The following GABBR2 variants were observed in gnomAD, a reference collection of about 807,000 sequenced individuals.
GABBR2 encodes the protein gamma-aminobutyric acid type B receptor subunit 2, also known as G-protein coupled receptor 51.
A neutral mutation model predicts 105.6 loss-of-function variants in GABBR2; 23 were observed. The observed-to-expected ratio is 0.22, with a 90% CI of 0.16 to 0.31. The LOEUF (loss-of-function observed/expected upper bound fraction) is 0.31. Among genes scored for constraint, GABBR2 ranks in the 10% least tolerant of loss-of-function variants. The probability of loss-of-function intolerance (pLI) is 1.00; values close to 1 mark genes in which losing one functional copy is unlikely to be tolerated. For missense variants in GABBR2, 734 were observed against 1,245.5 expected (o/e 0.59, Z 6.18); for synonymous variants, 478 against 499.7 (o/e 0.96, Z 0.58).
At chr9:98,624,726 G>T (rs1829711654) in intron 1 of GABBR2, among the ~76,000 whole-genome samples, 1 of 152,196 alleles carries the variant, frequency 6.6e-6, no homozygotes, top group African/African-American at 2.4e-5. Context: ...TGCACAGGAT[G>T]CGGAGGAAGC....
chr9:98,589,163 A>G (rs1829114471), intron 1 of GABBR2, among the ~76,000 whole-genome samples: 1 of 152,212 alleles, frequency 6.6e-6, no homozygotes. Flanking sequence ...CCACTGGTCC[A>G]GCTGGAACTT....
rs1441790634 is a variant in GABBR2, at chr9:98,595,403, A to G, written c.322-17331T>C. Among the ~76,000 whole-genome samples, 3 of 151,584 alleles carry G rather than the reference A, an allele frequency of 2.0e-5. No individual in the cohort carries two copies. The East Asian group carries it at 6.0e-4, about 30-fold the overall frequency. ...GGAAAGGAAACTTTTAGACTGCAGCAGATGGGAGAGCATATGATGAAAGGG... is the reference window on the plus strand; with the variant it reads ...GGAAAGGAAACTTTTAGACTGCAGCGGATGGGAGAGCATATGATGAAAGGG... On this transcript the variant is annotated intron_variant, in intron 1 of 18. Transcript: ENST00000259455.
intron 1 of GABBR2, among the ~76,000 whole-genome samples, chr9:98,679,324 T>A (rs1830511670): frequency 6.6e-6 from 1 of 152,340 alleles, no homozygotes; most frequent in South Asian, 2.1e-4. Context: ...CCAATGAGAA[T>A]GCTCTATAAG....
chr9:98,361,436 GT>G (rs1831581141), intron 13 of GABBR2, among the ~76,000 whole-genome samples: 1 of 152,188 alleles, frequency 6.6e-6, no homozygotes, highest in Non-Finnish European at 1.5e-5. Context: ...CAGGGGCCCA[GT>G]TAGCCAATGA....
In GABBR2 at chr9:98,618,776, T is replaced by C. The variant is rs191647048; in HGVS notation, c.322-40704A>G. On this transcript the variant is annotated intron_variant, in intron 1 of 18. Transcript: ENST00000259455. ...TGCTAAGTGCTCCTCACTCCCTCCT[T>C]GATGTAATCATGACAGAAAGACTCC... Among the ~76,000 whole-genome samples the C allele has an allele frequency of 6.6e-4, 100 of 152,140 alleles. 1 individual carries two copies. The highest frequency in any genetic ancestry group is 2.2e-3 in the African/African-American group (90 of 41,504).
chr9:98,555,431 A>G (rs981671652), intron 2 of GABBR2, among the ~76,000 whole-genome samples: 10 of 152,252 alleles, frequency 6.6e-5, no homozygotes, highest in African/African-American at 2.4e-4. Flanking sequence ...CTAATTGTGT[A>G]CAATTAGAAT....
chr9:98,595,856 G>C (rs555412459), intron 1 of GABBR2, among the ~76,000 whole-genome samples: 26 of 152,224 alleles, frequency 1.7e-4, no homozygotes, highest in African/African-American at 6.0e-4. Context: ...GAGCCAATCT[G>C]GGTCTCCTCC....
At chr9:98,508,139 T>C (rs1302566438) in intron 3 of GABBR2, among the ~76,000 whole-genome samples, 1 of 152,200 alleles carries the variant, frequency 6.6e-6, no homozygotes. Flanking sequence ...GGAGGCTATA[T>C]AGTTAAGGTG....
At chr9:98,412,378 C>T (rs563561781) in intron 7 of GABBR2, among the ~76,000 whole-genome samples, 7 of 152,326 alleles carry the variant, frequency 4.6e-5, no homozygotes, top group South Asian at 2.1e-4. Context: ...CTCTTATCTC[C>T]GGGTTGTCGA....
At chr9:98,367,675 C>A (rs954448695) in intron 12 of GABBR2, among the ~76,000 whole-genome samples, 7 of 152,100 alleles carry the variant, frequency 4.6e-5, no homozygotes, top group Non-Finnish European at 8.8e-5. Context: ...GTATGAGAAA[C>A]TCTTTGGGGT....
chr9:98,346,323 A>T (rs569428584), intron 13 of GABBR2, among the ~76,000 whole-genome samples: 2 of 152,230 alleles, frequency 1.3e-5, no homozygotes, highest in African/African-American at 4.8e-5. Context: ...CTTTGTTGTC[A>T]TTTCAACAAT....
chr9:98,349,327 G>T (rs1358568152), intron 13 of GABBR2, among the ~76,000 whole-genome samples: 1 of 124,126 alleles, frequency 8.1e-6, no homozygotes, highest in African/African-American at 3.2e-5. Flanking sequence ...GATTTGGTTT[G>T]CCAATATTTT....
intron 1 of GABBR2, among the ~76,000 whole-genome samples, chr9:98,629,566 G>A (rs1456908877): frequency 2.6e-5 from 4 of 152,196 alleles, no homozygotes; most frequent in Non-Finnish European, 2.9e-5. Flanking sequence ...GGTCTGCCAC[G>A]TAGCATTCAA....
chr9:98,401,343 G>GT (rs1380575651), intron 8 of GABBR2, among the ~76,000 whole-genome samples: 1 of 152,224 alleles, frequency 6.6e-6, no homozygotes, highest in African/African-American at 2.4e-5. Flanking sequence ...CATTCAAGCA[G>GT]TGGGAATGTT....
intron 2 of GABBR2, among the ~76,000 whole-genome samples, chr9:98,553,311 C>A (rs2808524): frequency 1.3e-5 from 2 of 151,888 alleles, no homozygotes; most frequent in Non-Finnish European, 2.9e-5. Flanking sequence ...AGAGGCAAAG[C>A]AGCCAGGTGC....
Position 98,289,064 on chromosome 9 carries a change from T to TG in GABBR2, c.*1519dup, listed in dbSNP as rs1207321793. ...TGTCTAGGAATGTCAGAAAAGTCAC[T>TG]GGGAGCCTCCCTCCAGCCCGGATGT... On this transcript the variant is annotated 3_prime_UTR_variant, in exon 19 of 19. Coordinates refer to ENST00000259455, the MANE Select transcript of GABBR2 (RefSeq NM_005458.8). 6.6e-6 allele frequency: 1 copy of TG among 152,598 alleles called. No homozygotes were observed. Among genetic ancestry groups the TG allele is most frequent in the Non-Finnish European group, 1.5e-5 (1 of 68,036 alleles). 9.5% of individuals were successfully genotyped at this position (152,598 alleles called of 1,614,324 possible). A position where few individuals can be genotyped will look rare whatever the true frequency, so the allele number is the denominator to read the frequency against.
chr9:98,603,795 A>C (rs1406048009), intron 1 of GABBR2, among the ~76,000 whole-genome samples: 2 of 152,230 alleles, frequency 1.3e-5, no homozygotes, highest in Non-Finnish European at 2.9e-5. Context: ...CAAGATCTTC[A>C]GAAAGAATAT....
intron 5 of GABBR2, among the ~76,000 whole-genome samples, chr9:98,479,889 C>G (rs996428760): frequency 1.3e-5 from 2 of 152,192 alleles, no homozygotes; most frequent in Non-Finnish European, 2.9e-5. Context: ...TACTCCTCAG[C>G]TATCCCTCTA....
chr9:98,708,470 T>C lies in GABBR2; in HGVS notation c.268A>G (p.Asn90Asp). Residue 90 changes from asparagine to aspartate, a missense_variant, in exon 1 of 19, where the codon AAC becomes GAC. This residue lies in a region of GABBR2 where 370 missense variants were observed against 648.9 expected (regional missense o/e 0.57). Coordinates refer to ENST00000259455, the MANE Select transcript of GABBR2 (RefSeq NM_005458.8). ...AAGTAGGGGCGCAGGAGTGACTCGT[T>C]GCGGATCTGCTCGATGGCCAGTTCC... ...AVELAIEQIR[N>D]ESLLRPYFLD... The C allele has an allele frequency of 6.3e-7, 1 of 1,583,532 alleles. No individual in the cohort carries two copies. Among genetic ancestry groups the C allele is most frequent in the African/African-American group, 1.3e-5 (1 of 74,154 alleles).
Sources: gnomAD v4.1 joint callset for allele counts (sites outside exome capture counted in the v4.1 genomes callset) on GRCh38, gnomAD v4.1.1 for gene constraint, gnomAD v4.1.1 regional missense constraint, MANE v1.5 for transcripts, NCBI Gene and HGNC (gene_info 2026-07-23, HGNC 2026-07-21) for gene names.